The following ELMO1 variants were observed in gnomAD, a reference collection of about 807,000 sequenced individuals.
ELMO1 encodes engulfment and cell motility protein 1.
Under a neutral mutation model 98.9 loss-of-function variants are expected in ELMO1, and 26 were observed. That is an observed-to-expected ratio of 0.26 (90% CI 0.19 to 0.36). The LOEUF (loss-of-function observed/expected upper bound fraction) is 0.36. ELMO1 is among the 10% of genes least tolerant of loss of function. ELMO1 has a pLI of 1.00. For missense variants in ELMO1, 627 were observed against 935.2 expected (o/e 0.67, Z 4.30); for synonymous variants, 346 against 346.0 (o/e 1.00, Z 0.00).
At chr7:37,197,503 A>T (rs1792037120) in intron 13 of ELMO1, among the ~76,000 whole-genome samples, 1 of 152,254 alleles carries the variant, frequency 6.6e-6, no homozygotes, top group South Asian at 2.1e-4. Context: ...AGAGGTAGGA[A>T]GGGCACTGTG....
At chr7:37,219,757 G>A (rs1035593338) in intron 10 of ELMO1, among the ~76,000 whole-genome samples, 1 of 152,172 alleles carries the variant, frequency 6.6e-6, no homozygotes, top group African/African-American at 2.4e-5. Flanking sequence ...TACTCCCTTT[G>A]AGGCTCAATT....
chr7:36,883,088 G>A (rs1404559943), intron 18 of ELMO1, among the ~76,000 whole-genome samples: 2 of 152,222 alleles, frequency 1.3e-5, no homozygotes, highest in African/African-American at 4.8e-5. Context: ...TAGGTCTTCT[G>A]AGGGGGCCTC....
At position 37,196,720 on chromosome 7, in the gene ELMO1, CAT is replaced by C. The variant is rs1791984372; in HGVS notation, c.1086+14664_1086+14665del. On this transcript the variant is annotated intron_variant, in intron 13 of 21. Coordinates refer to ENST00000310758, the MANE Select transcript of ELMO1 (RefSeq NM_014800.11). ...AACTTGAAAACAAAAATTAAGTCTGCATATGTCTCCTTGTGCTGCTGAAACAC... is the reference window on the plus strand; with the variant it reads ...AACTTGAAAACAAAAATTAAGTCTGCATGTCTCCTTGTGCTGCTGAAACAC... Among the ~76,000 whole-genome samples, 3 of 152,344 alleles carry C rather than the reference CAT, an allele frequency of 2.0e-5. No individual in the cohort carries two copies. In the South Asian group the frequency reaches 6.2e-4, roughly 32 times the overall value.
At chr7:37,155,493 A>ATAAAAATAAAAAAT (rs1303252280) in intron 13 of ELMO1, among the ~76,000 whole-genome samples, 2 of 143,698 alleles carry the variant, frequency 1.4e-5, no homozygotes, top group African/African-American at 2.5e-5. Context: ...AAAGCAAAAA[A>ATAAAAATAAAAAAT]AAAAAAAAAA....
intron 10 of ELMO1, among the ~76,000 whole-genome samples, chr7:37,220,756 A>G (rs542034554): frequency 6.6e-6 from 1 of 152,324 alleles, no homozygotes; most frequent in South Asian, 2.1e-4. Context: ...GATCCAAGTG[A>G]AATGGCCTTT....
intron 13 of ELMO1, among the ~76,000 whole-genome samples, chr7:37,166,976 T>C (rs1289460838): frequency 6.6e-6 from 1 of 151,992 alleles, no homozygotes; most frequent in East Asian, 1.9e-4. Flanking sequence ...GGAGTCTAAG[T>C]CTCTTTGTAG....
At chr7:37,254,043 C>A (rs919488664) in intron 6 of ELMO1, among the ~76,000 whole-genome samples, 1 of 152,146 alleles carries the variant, frequency 6.6e-6, no homozygotes, top group Non-Finnish European at 1.5e-5. Flanking sequence ...AAATGGCTTT[C>A]TCTTTCCTTT....
intron 13 of ELMO1, among the ~76,000 whole-genome samples, chr7:37,163,908 G>A (rs1185857356): frequency 2.6e-5 from 4 of 152,254 alleles, no homozygotes; most frequent in South Asian, 4.1e-4. Flanking sequence ...CTGAAGAATC[G>A]CCACACTGAC....
At chr7:37,075,447 G>A (rs538010995) in intron 15 of ELMO1, among the ~76,000 whole-genome samples, 21 of 151,878 alleles carry the variant, frequency 1.4e-4, no homozygotes, top group African/African-American at 3.9e-4. Context: ...GAGCCACCAC[G>A]CCCGGCCTCA....
chr7:36,928,513 C>T (rs1030690148), intron 16 of ELMO1, among the ~76,000 whole-genome samples: 3 of 152,192 alleles, frequency 2.0e-5, no homozygotes, highest in African/African-American at 4.8e-5. Context: ...ATTACACCAT[C>T]GTTTTTTTTC....
At chr7:37,386,380 G>C (rs1001094540) in intron 1 of ELMO1, among the ~76,000 whole-genome samples, 18 of 151,812 alleles carry the variant, frequency 1.2e-4, no homozygotes, top group South Asian at 2.1e-4. Context: ...GGGGCTGGAG[G>C]GGGGAGCCCA....
intron 15 of ELMO1, among the ~76,000 whole-genome samples, chr7:37,059,090 A>G (rs1474766670): frequency 5.3e-5 from 8 of 152,282 alleles, no homozygotes; most frequent in Admixed American, 3.9e-4. Context: ...TCATGCTGGA[A>G]TATTTTCCAA....
intron 18 of ELMO1, among the ~76,000 whole-genome samples, chr7:36,880,449 C>CTTAA (rs1804359397): frequency 1.3e-5 from 2 of 152,174 alleles, no homozygotes; most frequent in Admixed American, 6.5e-5. Context: ...AATTGCACAA[C>CTTAA]TTAATATTCA....
chr7:37,193,066 C>G (rs1010107210), intron 13 of ELMO1, among the ~76,000 whole-genome samples: 39 of 145,110 alleles, frequency 2.7e-4, no homozygotes, highest in Non-Finnish European at 7.5e-5. Context: ...AAATACAAAA[C>G]AAAACATTGC....
intron 1 of ELMO1, among the ~76,000 whole-genome samples, chr7:37,355,651 A>C (rs1801466995): frequency 6.6e-6 from 1 of 152,250 alleles, no homozygotes; most frequent in South Asian, 2.1e-4. Context: ...AAAGGCAGGA[A>C]GTCACAGAGA....
chr7:37,155,511 A>C (rs1253587982), intron 13 of ELMO1, among the ~76,000 whole-genome samples: 2 of 150,590 alleles, frequency 1.3e-5, no homozygotes, highest in African/African-American at 4.9e-5. Context: ...AAAAAAAAGC[A>C]GGTGTTGCAA....
intron 16 of ELMO1, among the ~76,000 whole-genome samples, chr7:36,965,829 G>A (rs116420511): frequency 6.4e-4 from 97 of 152,090 alleles, no homozygotes; most frequent in African/African-American, 2.2e-3. Context: ...CATCACATCC[G>A]CCTGTATGAT....
intron 15 of ELMO1, among the ~76,000 whole-genome samples, chr7:37,069,041 A>G (rs1173212665): frequency 1.3e-5 from 2 of 152,210 alleles, no homozygotes; most frequent in East Asian, 3.9e-4. Flanking sequence ...TGTAAGAGTC[A>G]GGGTTCTATC....
intron 16 of ELMO1, among the ~76,000 whole-genome samples, chr7:36,960,099 T>C (rs969767968): frequency 1.1e-4 from 17 of 152,230 alleles, no homozygotes; most frequent in Admixed American, 3.9e-4. Flanking sequence ...TAAATGTGCC[T>C]ACAGCCCCCA....
Sources: allele counts gnomAD v4.1 joint callset (sites outside exome capture counted in the v4.1 genomes callset), GRCh38; gene constraint gnomAD v4.1.1; transcripts MANE v1.5; gene names NCBI Gene and HGNC (gene_info 2026-07-23, HGNC 2026-07-21).